THRAP3: variants seen among roughly 807,000 people sequenced by gnomAD.
THRAP3 encodes thyroid hormone receptor associated protein 3.
THRAP3 carries 16 observed loss-of-function variants against 101.0 expected under a neutral mutation model. The ratio of observed to expected loss-of-function variants is 0.16; its 90% CI spans 0.11 to 0.24. The LOEUF is 0.24. Among genes scored for constraint, THRAP3 ranks in the 10% least tolerant of loss-of-function variants. The pLI, the probability that THRAP3 is intolerant of heterozygous loss-of-function variation, is 1.00. For missense variants in THRAP3, 989 were observed against 1,202.7 expected, an observed-to-expected ratio of 0.82 and a Z score of 2.63; for synonymous variants, 407 against 422.6, an observed-to-expected ratio of 0.96 and a Z score of 0.45.
At chr1:36,237,218 A>G (rs1293186185) in intron 1 of THRAP3, among the ~76,000 whole-genome samples, 1 of 152,132 alleles carries the variant, frequency 6.6e-6, no homozygotes. Context: ...CTGTAATTCC[A>G]ACACTTCAGG....
intron 2 of THRAP3, among the ~76,000 whole-genome samples, chr1:36,268,051 G>A (rs1276226597): frequency 4.6e-5 from 7 of 151,810 alleles, no homozygotes; most frequent in African/African-American, 9.7e-5. Context: ...GTGGTAGCAC[G>A]CAGCTGTAAT....
At chr1:36,292,179 T>C (rs1444618869) in intron 6 of THRAP3, among the ~76,000 whole-genome samples, 2 of 151,686 alleles carry the variant, frequency 1.3e-5, no homozygotes, top group African/African-American at 4.8e-5. Context: ...TTAACTACTT[T>C]AGGTGCATCT....
At chr1:36,238,904 C>T (rs905621261) in intron 1 of THRAP3, among the ~76,000 whole-genome samples, 2 of 151,414 alleles carry the variant, frequency 1.3e-5, no homozygotes, top group Admixed American at 6.6e-5. Context: ...CCATGCCCGA[C>T]TGTTCTTTCT....
Position 36,305,212 on chromosome 1 carries a change from G to T in THRAP3, c.*1195G>T. On this transcript the variant is annotated 3_prime_UTR_variant, in exon 12 of 12. Coordinates refer to ENST00000354618, the MANE Select transcript of THRAP3 (RefSeq NM_005119.4). The stretch of plus-strand genomic sequence containing the variant: ...CCCAGCCTTTGCCTCTTGCGTTGTT[G>T]TGCTGCTTTCCCCTTACTTTGCTAC... The T allele has an allele frequency of 4.6e-6, 1 of 218,748 alleles. No homozygotes were observed. 13.6% of individuals were successfully genotyped at this position (218,748 alleles called of 1,614,324 possible). A position where few individuals can be genotyped will look rare whatever the true frequency, so the allele number is the denominator to read the frequency against.
intron 1 of THRAP3, among the ~76,000 whole-genome samples, chr1:36,251,676 C>T (rs1009330945): frequency 1.3e-5 from 2 of 152,140 alleles, no homozygotes; most frequent in Admixed American, 6.5e-5. Context: ...ACATGACTAC[C>T]CAAACCAGCT....
the THRAP3 span, among the ~76,000 whole-genome samples, chr1:36,212,523 C>T: frequency 0.031 from 4,587 of 149,178 alleles, 258 homozygotes; most frequent in African/African-American, 0.11. Flanking sequence ...TGCGTTCGAG[C>T]GATTCTCCTG....
rs775188862 is a variant in THRAP3 at position 36,289,406 on chromosome 1, CAGG to C, written c.1396_1398del (p.Glu466del). 8.7e-6 allele frequency: 14 copies of C among 1,614,020 alleles called. No homozygotes were observed. Among genetic ancestry groups the C allele is most frequent in the East Asian group, 2.2e-5 (1 of 44,880 alleles). The stretch of plus-strand genomic sequence containing the variant: ...TAAAGTCATAGGTGCAAACAAAAAC[CAGG>C]AGGAGGAGAAGTCAGGCAAATGGGA... On this transcript the variant is annotated inframe_deletion, in exon 5 of 12. Coordinates refer to ENST00000354618, the MANE Select transcript of THRAP3 (RefSeq NM_005119.4).
intron 2 of THRAP3, among the ~76,000 whole-genome samples, chr1:36,271,363 A>ATG (rs879472647): frequency 0.032 from 4,861 of 151,858 alleles, 251 homozygotes; most frequent in African/African-American, 0.11. Flanking sequence ...GCTCACTGCA[A>ATG]CCTCCGCCTC....
In THRAP3 at chr1:36,304,067, A is replaced by G. The variant is rs1446802939; in HGVS notation, c.*50A>G. On this transcript the variant is annotated 3_prime_UTR_variant, in exon 12 of 12. Coordinates refer to ENST00000354618, the MANE Select transcript of THRAP3 (RefSeq NM_005119.4). ...CCCAGGGGAGAGAGGCGCTGGGAAG[A>G]TGGCTGGTGAGGAGCTTAACAGAGG... 4.1e-6 allele frequency: 6 copies of G among 1,454,298 alleles called. No homozygotes were observed. The South Asian group carries it at 4.4e-5, about 11-fold the overall frequency. 90.1% of individuals were successfully genotyped at this position (1,454,298 alleles called of 1,614,324 possible).
At chr1:36,232,479 C>T (rs1025001983) in intron 1 of THRAP3, among the ~76,000 whole-genome samples, 8 of 152,164 alleles carry the variant, frequency 5.3e-5, no homozygotes, top group African/African-American at 1.7e-4. Flanking sequence ...CTCCCCAACC[C>T]TACATTATTA....
chr1:36,234,676 G>T (rs1266904455), intron 1 of THRAP3, among the ~76,000 whole-genome samples: 1 of 152,018 alleles, frequency 6.6e-6, no homozygotes, highest in African/African-American at 2.4e-5. Flanking sequence ...GTAAAAGCCT[G>T]TTCTGATAAT....
intron 11 of THRAP3, among the ~76,000 whole-genome samples, chr1:36,301,991 A>G (rs1479776147): frequency 6.6e-6 from 1 of 152,208 alleles, no homozygotes; most frequent in Admixed American, 6.5e-5. Context: ...CACCAACCTC[A>G]GCCTCCCTCA....
intron 8 of THRAP3, among the ~76,000 whole-genome samples, chr1:36,295,609 T>A (rs1051220728): frequency 1.5e-5 from 2 of 134,084 alleles, no homozygotes; most frequent in Non-Finnish European, 3.0e-5. Context: ...CCCTTCCTTC[T>A]TCCCTCCCTT....
chr1:36,210,513 A>C, the THRAP3 span, among the ~76,000 whole-genome samples: 9 of 146,804 alleles, frequency 6.1e-5, no homozygotes, highest in African/African-American at 2.3e-4. Context: ...ACATGGTGAA[A>C]CCCTGTCTCT....
chr1:36,255,830 A>G (rs964776236), intron 1 of THRAP3, among the ~76,000 whole-genome samples: 1 of 150,890 alleles, frequency 6.6e-6, no homozygotes, highest in Non-Finnish European at 1.5e-5. Flanking sequence ...TGAGATAAGG[A>G]AAAAAAAATT....
the THRAP3 span, among the ~76,000 whole-genome samples, chr1:36,212,259 G>A: frequency 6.6e-6 from 1 of 152,090 alleles, no homozygotes; most frequent in South Asian, 2.1e-4. Flanking sequence ...GTTCAGCCAC[G>A]GTCTCAGGCT....
At chr1:36,271,140 A>G (rs1410880267) in intron 2 of THRAP3, among the ~76,000 whole-genome samples, 1 of 152,174 alleles carries the variant, frequency 6.6e-6, no homozygotes, top group African/African-American at 2.4e-5. Flanking sequence ...ATGTCCTTAT[A>G]TAGATATGTC....
chr1:36,287,040 G>A lies in THRAP3; in HGVS notation c.810G>A (p.Val270=). The change falls in exon 4 of 12, where the codon GTG becomes GTA. Residue 270 remains valine (V), a synonymous_variant. Transcript: ENST00000354618. ...VRRRSPRPSP[V]PKPSPPLSST... ...GGCGGTCACCCCGTCCTAGCCCCGT[G>A]CCAAAACCTAGTCCTCCACTTTCCA... The A allele has an allele frequency of 6.2e-7, 1 of 1,613,670 alleles. No individual in the cohort carries two copies. Among genetic ancestry groups the A allele is most frequent in the Non-Finnish European group, 8.5e-7 (1 of 1,179,700 alleles).
chr1:36,229,173 C>T (rs1374588329), intron 1 of THRAP3, among the ~76,000 whole-genome samples: 2 of 152,120 alleles, frequency 1.3e-5, no homozygotes, highest in East Asian at 3.9e-4. Context: ...TCTTGGCTTG[C>T]TGCAACCTCA....
Sources: allele counts gnomAD v4.1 joint callset (sites outside exome capture counted in the v4.1 genomes callset), GRCh38; gene constraint gnomAD v4.1.1; transcripts MANE v1.5; gene names NCBI Gene and HGNC (gene_info 2026-07-23, HGNC 2026-07-21).